PPP2R2B: variants seen among roughly 807,000 people sequenced by gnomAD.
PPP2R2B encodes serine/threonine-protein phosphatase 2A 55 kDa regulatory subunit B beta isoform.
A neutral mutation model predicts 46.0 loss-of-function variants in PPP2R2B; 5 were observed. That is an observed-to-expected ratio of 0.11 (90% confidence interval 0.06 to 0.23). PPP2R2B has a LOEUF of 0.23. Ranked by LOEUF, PPP2R2B falls within the 10% of genes least tolerant of loss-of-function variation. The pLI, the probability that PPP2R2B is intolerant of heterozygous loss-of-function variation, is 1.00. For synonymous variants in PPP2R2B, 215 were observed against 206.7 expected (o/e 1.04, Z -0.34); for missense variants, 367 against 575.0 (o/e 0.64, Z 3.70).
intron 9 of PPP2R2B, among the ~76,000 whole-genome samples, chr5:146,592,392 T>G (rs528603689): frequency 4.8e-4 from 73 of 152,354 alleles, no homozygotes; most frequent in African/African-American, 1.6e-3. Context: ...AGCTTGCACT[T>G]AGTTCTCATG....
In PPP2R2B at chr5:146,589,173, A is replaced by AAGAGT. The variant is rs1299259851; in HGVS notation, c.*769_*773dup. 2 of 152,288 alleles carry AAGAGT rather than the reference A, an allele frequency of 1.3e-5. No homozygotes were observed. The highest frequency in any genetic ancestry group is 2.9e-5 in the Non-Finnish European group (2 of 68,090). The allele number at this position is 152,288 out of a possible 1,614,324, so 9.4% of individuals were successfully genotyped here. On this transcript the variant is annotated 3_prime_UTR_variant, in exon 10 of 10. Coordinates refer to ENST00000394411, the MANE Select transcript of PPP2R2B (RefSeq NM_181675.4). The stretch of plus-strand genomic sequence containing the variant: ...GGAGCCATTTAAGAGCACAAAAAGC[A>AAGAGT]AGAGTAACAAGGCAGCAGATGGAAT...
chr5:147,073,826 A>G (rs961062663), intron 2 of PPP2R2B, among the ~76,000 whole-genome samples: 3 of 152,146 alleles, frequency 2.0e-5, no homozygotes, highest in African/African-American at 7.2e-5. Context: ...TCACAAGGTC[A>G]AGAGTTTGAG....
chr5:146,947,916 G>A (rs1437328228), intron 1 of PPP2R2B, among the ~76,000 whole-genome samples: 1 of 151,468 alleles, frequency 6.6e-6, no homozygotes, highest in African/African-American at 2.4e-5. Flanking sequence ...CACCTTTCAT[G>A]TTCAACCCAA....
intron 2 of PPP2R2B, among the ~76,000 whole-genome samples, chr5:146,733,708 G>C (rs985990340): frequency 2.1e-4 from 32 of 151,636 alleles, no homozygotes; most frequent in Admixed American, 1.3e-4. Context: ...ACCACACACA[G>C]ACACACACAC....
intron 1 of PPP2R2B, among the ~76,000 whole-genome samples, chr5:146,896,333 G>A (rs1261388457): frequency 3.3e-5 from 5 of 152,064 alleles, no homozygotes; most frequent in African/African-American, 4.8e-5. Flanking sequence ...TATCATTGAG[G>A]CAACTGAGAC....
intron 2 of PPP2R2B, among the ~76,000 whole-genome samples, chr5:146,874,119 A>C (rs1413438750): frequency 6.6e-6 from 1 of 152,170 alleles, no homozygotes; most frequent in East Asian, 1.9e-4. Context: ...CCACCTTATG[A>C]CCCCAAGGCA....
intron 5 of PPP2R2B, among the ~76,000 whole-genome samples, chr5:146,658,373 A>G (rs1776472408): frequency 6.6e-6 from 1 of 152,184 alleles, no homozygotes; most frequent in African/African-American, 2.4e-5. Flanking sequence ...TTCCTTCAAG[A>G]AACAGCCTTC....
At position 146,749,648 on chromosome 5, in the gene PPP2R2B, C is replaced by T. The variant is rs1424226939; in HGVS notation, c.71-48506G>A. On this transcript the variant is annotated intron_variant, in intron 2 of 9. Transcript: ENST00000394411. ...TTTTCGAGATGGAGTCTCAGTCTGT[C>T]GCCCAGGCTGGAGTGCAGTGGCTTA... is the stretch of plus-strand genomic sequence containing the variant. Among the ~76,000 whole-genome samples the T allele has an allele frequency of 2.2e-5, 3 of 134,582 alleles. No individual in the cohort carries two copies. In the East Asian group the frequency reaches 6.6e-4, roughly 30 times the overall value. 88.3% of individuals were successfully genotyped at this position (134,582 alleles called of 152,430 possible). A position where few individuals can be genotyped will look rare whatever the true frequency, so the allele number is the denominator to read the frequency against.
chr5:146,701,193 A>G (rs540906535), intron 2 of PPP2R2B, 51 bp from the exon 3 acceptor site: 1 of 1,381,700 alleles, frequency 7.2e-7, no homozygotes, highest in South Asian at 1.2e-5. Flanking sequence ...CTTACTTTGA[A>G]AGGATAGATA....
chr5:146,878,481 T>C lies in PPP2R2B; in HGVS notation c.-125+110A>G, dbSNP rs943265789. ...CCCCTCCTTGGCAGCCGCTCCAAAA[T>C]GCAAAAAAGATCCCTCCTCCCCCTG... On this transcript the variant is annotated intron_variant, in intron 1 of 9. Coordinates refer to ENST00000394411, the MANE Select transcript of PPP2R2B (RefSeq NM_181675.4). This position sits in a 1 kb window ranked among gnomAD's most constrained non-coding sequence, Gnocchi z 4.5. The C allele has an allele frequency of 3.0e-6, 4 of 1,312,214 alleles. No homozygotes were observed. In the African/African-American group the frequency reaches 4.6e-5, roughly 15 times the overall value. The allele number at this position is 1,312,214 out of a possible 1,614,324, so 81.3% of individuals were successfully genotyped here.
chr5:147,054,684 T>A (rs1305251094), intron 1 of PPP2R2B: 6 of 455,994 alleles, frequency 1.3e-5, no homozygotes, highest in African/African-American at 2.0e-5. Flanking sequence ...CAAGAGTGGG[T>A]TTTCAGAACA....
intron 1 of PPP2R2B, among the ~76,000 whole-genome samples, chr5:146,892,368 G>T (rs2151429154): frequency 6.6e-6 from 1 of 152,248 alleles, no homozygotes; most frequent in East Asian, 1.9e-4. Context: ...TTGACAAAGA[G>T]CTTTACAATT....
intron 2 of PPP2R2B, among the ~76,000 whole-genome samples, chr5:146,844,545 T>C (rs995104172): frequency 6.6e-6 from 1 of 152,140 alleles, no homozygotes; most frequent in Non-Finnish European, 1.5e-5. Flanking sequence ...CAACCATTTA[T>C]CTGGAAAATC....
intron 1 of PPP2R2B, among the ~76,000 whole-genome samples, chr5:146,994,244 G>A (rs1753826985): frequency 6.6e-6 from 1 of 152,144 alleles, no homozygotes; most frequent in African/African-American, 2.4e-5. Flanking sequence ...TATTTTGCAG[G>A]GAACTGGGGA....
chr5:146,706,993 T>A, intron 2 of PPP2R2B: 1 of 982,472 alleles, frequency 1.0e-6, no homozygotes, highest in East Asian at 2.4e-5. Context: ...CAGCTCTACC[T>A]CGTTAATGTA....
Position 146,851,779 on chromosome 5 carries a change from T to C in PPP2R2B, c.70+26223A>G, listed in dbSNP as rs188368803. Among the ~76,000 whole-genome samples the C allele has an allele frequency of 7.2e-5, 11 of 152,240 alleles. No homozygotes were observed. The East Asian group carries it at 2.1e-3, about 29-fold the overall frequency. On this transcript the variant is annotated intron_variant, in intron 2 of 9. Transcript: ENST00000394411. ...GATCAAAGTGCCTTGCTCTTTAAGA[T>C]GCATATCTCAACAGAGCAGCTGTTT...
chr5:146,912,064 C>A (rs1188539251), intron 1 of PPP2R2B, among the ~76,000 whole-genome samples: 1 of 151,924 alleles, frequency 6.6e-6, no homozygotes, highest in Non-Finnish European at 1.5e-5. Context: ...AAGGTGAAAC[C>A]CTGTCTCTAC....
At chr5:146,803,995 G>A (rs1340535845) in intron 2 of PPP2R2B, among the ~76,000 whole-genome samples, 7 of 152,004 alleles carry the variant, frequency 4.6e-5, no homozygotes, top group East Asian at 3.9e-4. Context: ...GTGAAACCCC[G>A]TCTCTACTAG....
At chr5:146,711,496 A>T (rs1236252350) in intron 2 of PPP2R2B, among the ~76,000 whole-genome samples, 1 of 152,194 alleles carries the variant, frequency 6.6e-6, no homozygotes, top group Non-Finnish European at 1.5e-5. Context: ...TAAATAATAG[A>T]TCTTGTCCTA....
Sources: allele counts gnomAD v4.1 joint callset (sites outside exome capture counted in the v4.1 genomes callset), GRCh38; gene constraint gnomAD v4.1.1; non-coding constraint Gnocchi (gnomAD v3.1); transcripts MANE v1.5; gene names NCBI Gene and HGNC (gene_info 2026-07-23, HGNC 2026-07-21).